The following THSD7B variants were observed in gnomAD, a reference collection of about 807,000 sequenced individuals.
THSD7B encodes the protein thrombospondin type 1 domain containing 7B, also known as thrombospondin type-1 domain-containing protein 7B.
Under a neutral mutation model 213.6 loss-of-function variants are expected in THSD7B, and 138 were observed. The observed-to-expected ratio is 0.65, with a 90% CI of 0.56 to 0.74. The LOEUF (loss-of-function observed/expected upper bound fraction) is 0.74. Ranked by LOEUF, THSD7B falls within the 30% of genes least tolerant of loss-of-function variation. The pLI is 0.00. For missense variants in THSD7B, 1,931 were observed against 1,991.5 expected (o/e 0.97, Z 0.58); for synonymous variants, 742 against 687.0 (o/e 1.08, Z -1.25).
chr2:137,299,250 AT>A (rs1420280176), intron 12 of THSD7B, among the ~76,000 whole-genome samples: 1 of 151,900 alleles, frequency 6.6e-6, no homozygotes, highest in Non-Finnish European at 1.5e-5. Context: ...GTTTTGGCCA[AT>A]TTCTCCCATT....
chr2:137,379,614 G>A (rs1485834279), intron 12 of THSD7B, among the ~76,000 whole-genome samples: 2 of 152,212 alleles, frequency 1.3e-5, no homozygotes, highest in Non-Finnish European at 2.9e-5. Context: ...AGATTTCTTT[G>A]TATAATAGCA....
chr2:136,892,085 G>A (rs1429782921), intron 2 of THSD7B, among the ~76,000 whole-genome samples: 1 of 152,012 alleles, frequency 6.6e-6, no homozygotes, highest in Non-Finnish European at 1.5e-5. Context: ...AGGGCAGCCG[G>A]GATCCTTACA....
At position 137,242,344 on chromosome 2, in the gene THSD7B, C is replaced by A. The variant is rs955652029; in HGVS notation, c.2151-113C>A. 1.1e-5 allele frequency: 8 copies of A among 741,884 alleles called. No individual in the cohort carries two copies. In the Admixed American group the frequency reaches 1.7e-4, roughly 16 times the overall value. 46.0% of individuals were successfully genotyped at this position (741,884 alleles called of 1,614,324 possible). ...ACCTCCAGGAGTCTCTCTTCCCTCA[C>A]CTATTAAGGGAACATGAGGCCCTTA... On this transcript the variant is annotated intron_variant, in intron 9 of 27. Transcript: ENST00000409968.
intron 1 of THSD7B, among the ~76,000 whole-genome samples, chr2:136,823,101 G>A (rs1297180478): frequency 6.6e-6 from 1 of 152,146 alleles, no homozygotes; most frequent in Non-Finnish European, 1.5e-5. Context: ...TAGTTGGTTG[G>A]TTATTTAACG....
At chr2:136,887,134 T>C (rs572026053) in intron 2 of THSD7B, among the ~76,000 whole-genome samples, 41 of 152,292 alleles carry the variant, frequency 2.7e-4, no homozygotes, top group Admixed American at 2.6e-3. Context: ...AGTATACAAT[T>C]CAGTGATATT....
chr2:137,037,314 A>G (rs1365753839), intron 2 of THSD7B, among the ~76,000 whole-genome samples: 6 of 152,140 alleles, frequency 3.9e-5, no homozygotes, highest in Non-Finnish European at 8.8e-5. Flanking sequence ...ACATATTAAG[A>G]CGATCTAAAT....
intron 12 of THSD7B, among the ~76,000 whole-genome samples, chr2:137,342,164 C>A (rs1011413351): frequency 5.9e-5 from 9 of 151,420 alleles, no homozygotes; most frequent in Non-Finnish European, 1.0e-4. Context: ...TTTGTATATT[C>A]TTGAATGTCT....
chr2:137,513,291 C>T (rs78352058), intron 15 of THSD7B, among the ~76,000 whole-genome samples: 10,983 of 152,072 alleles, frequency 0.072, 445 homozygotes, highest in African/African-American at 0.086. Flanking sequence ...AGTTTTACTG[C>T]GACACATATC....
rs1234247577 is a variant in THSD7B, at chr2:137,433,286, T to C, written c.2960-17559T>C. Among the ~76,000 whole-genome samples, 4 of 152,134 alleles carry C rather than the reference T, an allele frequency of 2.6e-5. No homozygotes were observed. In the East Asian group the frequency reaches 7.7e-4, roughly 29 times the overall value. The stretch of plus-strand genomic sequence containing the variant: ...GTTGTGTAATAGGCAAAGAACACTC[T>C]TTTGGACACAAAAGATGCTCAAAAA... On this transcript the variant is annotated intron_variant, in intron 14 of 27. Coordinates refer to ENST00000409968, the MANE Select transcript of THSD7B (RefSeq NM_001316349.2).
intron 2 of THSD7B, among the ~76,000 whole-genome samples, chr2:136,908,328 T>C (rs1684201901): frequency 6.6e-6 from 1 of 152,248 alleles, no homozygotes; most frequent in Admixed American, 6.5e-5. Flanking sequence ...TTTTACATGC[T>C]TTATTTCATT....
chr2:137,541,765 T>G (rs893820934), intron 15 of THSD7B, among the ~76,000 whole-genome samples: 2 of 151,622 alleles, frequency 1.3e-5, no homozygotes, highest in African/African-American at 4.8e-5. Flanking sequence ...ATTAGCCAGA[T>G]AGAAATTATA....
chr2:137,439,848 C>T (rs1377633071), intron 14 of THSD7B, among the ~76,000 whole-genome samples: 1 of 152,052 alleles, frequency 6.6e-6, no homozygotes, highest in African/African-American at 2.4e-5. Flanking sequence ...TAACTTGTTT[C>T]ATTGTTCATG....
intron 21 of THSD7B, among the ~76,000 whole-genome samples, chr2:137,651,545 G>A (rs1683137714): frequency 6.6e-6 from 1 of 151,654 alleles, no homozygotes; most frequent in African/African-American, 2.4e-5. Flanking sequence ...TCTGTATGGT[G>A]AGACCACTTT....
At chr2:137,071,507 T>A (rs1687488196) in intron 3 of THSD7B, among the ~76,000 whole-genome samples, 1 of 152,236 alleles carries the variant, frequency 6.6e-6, no homozygotes, top group Non-Finnish European at 1.5e-5. Context: ...TTTTGTAGGT[T>A]GCCTGTTCAC....
intron 1 of THSD7B, among the ~76,000 whole-genome samples, chr2:136,794,389 T>C (rs1220777325): frequency 2.6e-5 from 4 of 151,900 alleles, no homozygotes; most frequent in Non-Finnish European, 5.9e-5. Flanking sequence ...CCATAAGTTT[T>C]AATATATTAT....
intron 2 of THSD7B, among the ~76,000 whole-genome samples, chr2:137,043,800 A>AG: frequency 6.6e-6 from 1 of 152,302 alleles, no homozygotes; most frequent in East Asian, 1.9e-4. Context: ...GAGAAATATT[A>AG]GGTGGAAGGA....
At chr2:137,424,948 T>C (rs1456171772) in intron 14 of THSD7B, among the ~76,000 whole-genome samples, 1 of 151,688 alleles carries the variant, frequency 6.6e-6, no homozygotes, top group Non-Finnish European at 1.5e-5. Flanking sequence ...GGCAGTCACC[T>C]GTAGTCCCAG....
chr2:137,269,690 A>T (rs934262506), intron 10 of THSD7B, among the ~76,000 whole-genome samples: 1 of 152,190 alleles, frequency 6.6e-6, no homozygotes, highest in Non-Finnish European at 1.5e-5. Context: ...ACTTTTTCCT[A>T]AAGGCATAAT....
chr2:137,395,603 A>G (rs1259648373), intron 12 of THSD7B, among the ~76,000 whole-genome samples: 2 of 152,124 alleles, frequency 1.3e-5, no homozygotes, highest in East Asian at 3.8e-4. Flanking sequence ...ATGTTCTTCA[A>G]GGATATTGGT....
Sources: gnomAD v4.1 joint callset for allele counts (sites outside exome capture counted in the v4.1 genomes callset) on GRCh38, gnomAD v4.1.1 for gene constraint, MANE v1.5 for transcripts, NCBI Gene and HGNC (gene_info 2026-07-23, HGNC 2026-07-21) for gene names.